Variants in SKI observed in about 807,000 individuals in gnomAD.
SKI encodes the protein SKI proto-oncogene, also known as ski oncogene.
A neutral mutation model predicts 59.3 loss-of-function variants in SKI; 23 were observed. The ratio of observed to expected loss-of-function variants is 0.39; its 90% CI spans 0.28 to 0.55. SKI has a LOEUF of 0.55. Among genes scored for constraint, SKI ranks in the 20% least tolerant of loss-of-function variants. SKI has a pLI of 0.67. For missense variants in SKI, 1,017 were observed against 1,038.9 expected, an observed-to-expected ratio of 0.98 and a Z score of 0.29; for synonymous variants, 673 against 488.6, an observed-to-expected ratio of 1.38 and a Z score of -4.98.
intron 1 of SKI, among the ~76,000 whole-genome samples, chr1:2,262,626 T>A (rs1421730992): frequency 1.3e-5 from 2 of 152,208 alleles, no homozygotes; most frequent in South Asian, 2.1e-4. Flanking sequence ...AGTGTGATGG[T>A]GCATGTTGGG....
intron 1 of SKI, among the ~76,000 whole-genome samples, chr1:2,233,148 G>A (rs1213975760): frequency 2.0e-5 from 3 of 151,956 alleles, no homozygotes; most frequent in East Asian, 3.9e-4. Flanking sequence ...GGGTGGTGCC[G>A]TGCTTCCCTT....
rs1024852993 is a variant in SKI, at chr1:2,294,087, C to T, written c.970-8891C>T. On this transcript the variant is annotated intron_variant, in intron 1 of 6. Transcript: ENST00000378536. ...TGGAAGGATGTCGTGCAGGAAGGTT[C>T]GAGGGTCTCGGGGTGGTCCTGAGAA... Among the ~76,000 whole-genome samples, 6 of 152,220 alleles carry T rather than the reference C, an allele frequency of 3.9e-5. No individual in the cohort carries two copies. The South Asian group carries it at 6.2e-4, about 16-fold the overall frequency.
chr1:2,263,123 A>C (rs184734360), intron 1 of SKI, among the ~76,000 whole-genome samples: 1 of 151,854 alleles, frequency 6.6e-6, no homozygotes, highest in African/African-American at 2.4e-5. Context: ...CTGGTCCCGA[A>C]CTCCTGACCT....
At position 2,228,720 on chromosome 1, in the gene SKI, G is replaced by A. The variant is rs1010808097; in HGVS notation, c.-47G>A. On this transcript the variant is annotated 5_prime_UTR_variant, in exon 1 of 7. Coordinates refer to ENST00000378536, the MANE Select transcript of SKI (RefSeq NM_003036.4). ...CGGGGCGGCGGCGGGGGCCGGGGGGGCCCGGGCGCGCGGGAGCGGGAGCGG... is the reference window on the plus strand; with the variant it reads ...CGGGGCGGCGGCGGGGGCCGGGGGGACCCGGGCGCGCGGGAGCGGGAGCGG... The A allele has an allele frequency of 4.0e-6, 4 of 1,006,062 alleles. No individual in the cohort carries two copies. Among genetic ancestry groups the A allele is most frequent in the Admixed American group, 6.0e-5 (1 of 16,578 alleles). 62.3% of individuals were successfully genotyped at this position (1,006,062 alleles called of 1,614,324 possible).
chr1:2,235,565 G>T (rs1231625082), intron 1 of SKI, among the ~76,000 whole-genome samples: 2 of 152,222 alleles, frequency 1.3e-5, no homozygotes, highest in African/African-American at 4.8e-5. Context: ...AGTTCCAGAA[G>T]GGCCCCGCTT....
At chr1:2,266,355 T>TGTG (rs1391083943) in intron 1 of SKI, among the ~76,000 whole-genome samples, 1 of 152,158 alleles carries the variant, frequency 6.6e-6, no homozygotes, top group African/African-American at 2.4e-5. Flanking sequence ...AGGCCCTCTG[T>TGTG]GTGGTGCTCC....
At position 2,308,172 on chromosome 1, in the gene SKI, C is replaced by T. The variant is rs571425963; in HGVS notation, c.*1407C>T. 5 of 152,344 alleles carry T rather than the reference C, an allele frequency of 3.3e-5. No homozygotes were observed. The South Asian group carries it at 6.2e-4, about 19-fold the overall frequency. The allele number at this position is 152,344 out of a possible 1,614,324, so 9.4% of individuals were successfully genotyped here. Reference sequence around the variant, plus strand: ...TATTTATTTACATAAGAAGATCTTACAGGAGTTCTTTGCTTGAATCCGTTC... The same window carrying T: ...TATTTATTTACATAAGAAGATCTTATAGGAGTTCTTTGCTTGAATCCGTTC... On this transcript the variant is annotated 3_prime_UTR_variant, in exon 7 of 7. Transcript: ENST00000378536.
Position 2,306,156 on chromosome 1 carries a change from T to C in SKI, c.1904T>C (p.Leu635Pro). The change falls in exon 6 of 7, where the codon CTG (leucine) becomes CCG (proline). Residue 635 changes from leucine (L) to proline (P), a missense_variant. Physicochemically the swap from Leu to Pro is moderately conservative, Grantham distance 98 (BLOSUM62 -3). Transcript: ENST00000378536. ...KKMKEANESR[L>P]RLKRELEQAR... ...ATGAAAGAGGCCAACGAGTCACGGCTGCGCCTGAAGCGGGAGCTGGAGCAG... is the reference window on the plus strand; with the variant it reads ...ATGAAAGAGGCCAACGAGTCACGGCCGCGCCTGAAGCGGGAGCTGGAGCAG... 1 of 1,593,902 alleles carries C rather than the reference T, an allele frequency of 6.3e-7. No homozygotes were observed. Among genetic ancestry groups the C allele is most frequent in the East Asian group, 2.3e-5 (1 of 44,080 alleles).
intron 1 of SKI, among the ~76,000 whole-genome samples, chr1:2,286,001 G>A (rs888416414): frequency 6.6e-5 from 10 of 151,238 alleles, no homozygotes; most frequent in African/African-American, 2.4e-4. Flanking sequence ...AGCCTCCCGA[G>A]TAGCTGGGAC....
At chr1:2,300,181 TGGG>T (rs34846152) in intron 1 of SKI, among the ~76,000 whole-genome samples, 1 of 152,180 alleles carries the variant, frequency 6.6e-6, no homozygotes, top group Admixed American at 6.5e-5. Context: ...CCTCGGGGTG[TGGG>T]GAAGGACCCC....
intron 1 of SKI, among the ~76,000 whole-genome samples, chr1:2,301,163 G>T (rs1356699331): frequency 6.6e-6 from 1 of 152,300 alleles, no homozygotes; most frequent in South Asian, 2.1e-4. Flanking sequence ...CTCTCGGGAG[G>T]GTCCGCATGA....
intron 1 of SKI, among the ~76,000 whole-genome samples, chr1:2,232,823 G>C (rs1164562640): frequency 2.0e-5 from 3 of 152,118 alleles, no homozygotes; most frequent in African/African-American, 7.2e-5. Flanking sequence ...TATTGATCTT[G>C]GACTTTATGT....
Position 2,233,785 on chromosome 1 carries a change from G to C in SKI, c.969+4050G>C, listed in dbSNP as rs1023462248. 2.6e-5 allele frequency among the ~76,000 whole-genome samples: 4 copies of C among 152,158 alleles called. No individual in the cohort carries two copies. In the East Asian group the frequency reaches 7.7e-4, roughly 29 times the overall value. ...TTGCTGGGCTTGGAGAGCCTCTGGG[G>C]AGGAGTTGTGTTTTGCTCTTTGCTG... On this transcript the variant is annotated intron_variant, in intron 1 of 6. Coordinates refer to ENST00000378536, the MANE Select transcript of SKI (RefSeq NM_003036.4).
intron 1 of SKI, among the ~76,000 whole-genome samples, chr1:2,277,950 C>T (rs1490256585): frequency 6.6e-6 from 1 of 152,038 alleles, no homozygotes; most frequent in East Asian, 1.9e-4. Context: ...CACCAGCACC[C>T]GTGGACACGT....
chr1:2,247,007 G>A (rs1042193464), intron 1 of SKI, among the ~76,000 whole-genome samples: 2 of 152,218 alleles, frequency 1.3e-5, no homozygotes, highest in African/African-American at 2.4e-5. Flanking sequence ...CGGATCACAA[G>A]GTCAGGAGTT....
At chr1:2,238,960 G>A (rs549722720) in intron 1 of SKI, among the ~76,000 whole-genome samples, 2 of 152,322 alleles carry the variant, frequency 1.3e-5, no homozygotes, top group Admixed American at 6.5e-5. Context: ...GGACCTGGAG[G>A]GGGGTGGGGA....
intron 1 of SKI, among the ~76,000 whole-genome samples, chr1:2,255,328 C>G (rs1639250546): frequency 6.6e-6 from 1 of 152,256 alleles, no homozygotes; most frequent in Admixed American, 6.5e-5. Flanking sequence ...GTGCTGACAC[C>G]TTGCGTCTTG....
Position 2,270,766 on chromosome 1 carries a change from G to A in SKI, c.970-32212G>A, listed in dbSNP as rs950842776. Among the ~76,000 whole-genome samples, 1 of 152,190 alleles carries A rather than the reference G, an allele frequency of 6.6e-6. No individual in the cohort carries two copies. Among genetic ancestry groups the A allele is most frequent in the South Asian group, 2.1e-4 (1 of 4,838 alleles). ...TCCTCTGGGCCCCTGGACTCTGGGG[G>A]CGAGGGCAGGGCTGTTTGGCTGTTG... On this transcript the variant is annotated intron_variant, in intron 1 of 6. Coordinates refer to ENST00000378536, the MANE Select transcript of SKI (RefSeq NM_003036.4). The surrounding 1 kb of genome is among the most constrained non-coding windows in gnomAD (Gnocchi z 4.1).
intron 1 of SKI, among the ~76,000 whole-genome samples, chr1:2,261,066 A>T (rs964034305): frequency 2.6e-5 from 4 of 152,182 alleles, no homozygotes; most frequent in African/African-American, 7.2e-5. Flanking sequence ...TGTTGTAAAG[A>T]TTAGTTCTCT....
Sources: allele counts gnomAD v4.1 joint callset (sites outside exome capture counted in the v4.1 genomes callset), GRCh38; gene constraint gnomAD v4.1.1; non-coding constraint Gnocchi (gnomAD v3.1); transcripts MANE v1.5; gene names NCBI Gene and HGNC (gene_info 2026-07-23, HGNC 2026-07-21).